NEGR1: variants seen among roughly 807,000 people sequenced by gnomAD.
The protein encoded by NEGR1 is neuronal growth regulator 1.
A neutral mutation model predicts 40.9 loss-of-function variants in NEGR1; 10 were observed. That is an observed-to-expected ratio of 0.24 (90% CI 0.15 to 0.42). The LOEUF is 0.42. Ranked by LOEUF, NEGR1 falls within the 10% of genes least tolerant of loss-of-function variation. The pLI is 1.00. For synonymous variants in NEGR1, 185 were observed against 166.8 expected (o/e 1.11, Z -0.84); for missense variants, 352 against 438.9 (o/e 0.80, Z 1.77).
intron 2 of NEGR1, among the ~76,000 whole-genome samples, chr1:71,833,161 A>C (rs1039697769): frequency 6.6e-6 from 1 of 152,072 alleles, no homozygotes; most frequent in Non-Finnish European, 1.5e-5. Context: ...CATAAAATAA[A>C]ATTGCTACTT....
intron 2 of NEGR1, among the ~76,000 whole-genome samples, chr1:71,929,956 C>T (rs1047939363): frequency 1.2e-4 from 19 of 152,048 alleles, no homozygotes; most frequent in African/African-American, 4.6e-4. Context: ...AGAGTAATTG[C>T]TCTCCAGATA....
intron 2 of NEGR1, among the ~76,000 whole-genome samples, chr1:71,793,986 G>A (rs1657224832): frequency 6.6e-6 from 1 of 152,050 alleles, no homozygotes; most frequent in Non-Finnish European, 1.5e-5. Context: ...CTGAAACAAG[G>A]TAAGGAAGCC....
intron 3 of NEGR1, among the ~76,000 whole-genome samples, chr1:71,725,524 G>T (rs1165411304): frequency 6.6e-6 from 1 of 152,048 alleles, no homozygotes; most frequent in Non-Finnish European, 1.5e-5. Context: ...TGCATCACAA[G>T]TAAGAAGCGT....
At chr1:72,029,012 G>A (rs930209488) in intron 1 of NEGR1, among the ~76,000 whole-genome samples, 4 of 152,066 alleles carry the variant, frequency 2.6e-5, no homozygotes, top group African/African-American at 7.2e-5. Context: ...TATCTAAAAC[G>A]CTAAAGGAAA....
chr1:71,958,141 C>A (rs1570552863), intron 1 of NEGR1, among the ~76,000 whole-genome samples: 2 of 152,186 alleles, frequency 1.3e-5, no homozygotes, highest in African/African-American at 2.4e-5. Context: ...TTTCTATTTT[C>A]CCACATCCAC....
At chr1:71,877,420 C>T (rs1388009126) in intron 2 of NEGR1, among the ~76,000 whole-genome samples, 1 of 152,110 alleles carries the variant, frequency 6.6e-6, no homozygotes, top group Non-Finnish European at 1.5e-5. Context: ...CTTCTGAGGG[C>T]TCCCTCCTTG....
chr1:71,935,608 G>T (rs576066140), intron 1 of NEGR1, among the ~76,000 whole-genome samples: 44 of 151,702 alleles, frequency 2.9e-4, no homozygotes, highest in Non-Finnish European at 5.9e-4. Flanking sequence ...ATTCTGTCTG[G>T]ATGACACATC....
intron 3 of NEGR1, among the ~76,000 whole-genome samples, chr1:71,773,165 G>A (rs11209841): frequency 0.75 from 112,993 of 151,444 alleles, 44,040 homozygotes; most frequent in East Asian, 0.86. Context: ...GAAGCTGTAT[G>A]GAGCTATCAT....
intron 1 of NEGR1, among the ~76,000 whole-genome samples, chr1:72,171,261 A>G (rs1651953762): frequency 6.6e-6 from 1 of 152,186 alleles, no homozygotes; most frequent in Non-Finnish European, 1.5e-5. Context: ...AAATATTACT[A>G]GAGTTACATC....
At position 71,403,127 on chromosome 1, in the gene NEGR1, A is replaced by G. The variant is rs991894499; in HGVS notation, c.*4319T>C. On this transcript the variant is annotated 3_prime_UTR_variant, in exon 7 of 7. Transcript: ENST00000357731. ...ATTGTTCTCATTTATTCAGTTGACT[A>G]TCATAGATGAACAGATATGGGAAAG... The G allele has an allele frequency of 2.0e-5, 3 of 152,116 alleles. No homozygotes were observed. The highest frequency in any genetic ancestry group is 2.9e-5 in the Non-Finnish European group (2 of 67,962). 9.4% of individuals were successfully genotyped at this position (152,116 alleles called of 1,614,324 possible).
At position 71,615,014 on chromosome 1, in the gene NEGR1, A is replaced by ATC. The variant is rs555925988; in HGVS notation, c.668-3869_668-3868insGA. 9.9e-5 allele frequency among the ~76,000 whole-genome samples: 15 copies of ATC among 152,078 alleles called. No homozygotes were observed. The South Asian group carries it at 3.1e-3, about 32-fold the overall frequency. ...ATGCATAAGAAAAAGTCCTAAGAGC[A>ATC]TTTTGCAAGGTATAGAGTTAAAGGT... On this transcript the variant is annotated intron_variant, in intron 4 of 6. Transcript: ENST00000357731.
intron 2 of NEGR1, among the ~76,000 whole-genome samples, chr1:71,817,224 C>T (rs1437294656): frequency 2.0e-5 from 3 of 152,026 alleles, no homozygotes; most frequent in Non-Finnish European, 4.4e-5. Flanking sequence ...ATGTGGTGAG[C>T]AGACTGCCTC....
At chr1:72,092,589 A>G (rs1361732139) in intron 1 of NEGR1, among the ~76,000 whole-genome samples, 30 of 152,194 alleles carry the variant, frequency 2.0e-4, no homozygotes, top group Admixed American at 2.0e-3. Context: ...TCAATCCACA[A>G]TGAATACATT....
At chr1:71,586,542 T>C (rs947973219) in intron 6 of NEGR1, among the ~76,000 whole-genome samples, 7 of 152,164 alleles carry the variant, frequency 4.6e-5, no homozygotes, top group Non-Finnish European at 8.8e-5. Context: ...TTTCTGTCAA[T>C]TGACAAACGT....
chr1:72,059,357 T>C (rs140918428), intron 1 of NEGR1, among the ~76,000 whole-genome samples: 171 of 151,670 alleles, frequency 1.1e-3, no homozygotes, highest in African/African-American at 4.0e-3. Context: ...TTAAAAAATA[T>C]CTTCTGTAGA....
chr1:71,625,540 C>T (rs982200867), intron 4 of NEGR1, among the ~76,000 whole-genome samples: 8 of 151,548 alleles, frequency 5.3e-5, no homozygotes, highest in Admixed American at 4.0e-4. Context: ...AATACTATGC[C>T]ATTTTATATA....
At position 72,164,301 on chromosome 1, in the gene NEGR1, T is replaced by A. The variant is rs572200514; in HGVS notation, c.176+118018A>T. The stretch of plus-strand genomic sequence containing the variant: ...ATTGACTTGAAAACTGTTTTTTTTT[T>A]AAATTTTTATTTATTTATTTATTTT... On this transcript the variant is annotated intron_variant, in intron 1 of 6. Transcript: ENST00000357731. Among the ~76,000 whole-genome samples the A allele has an allele frequency of 8.2e-4, 124 of 151,432 alleles. 1 individual carries two copies. The highest frequency in any genetic ancestry group is 3.4e-3 in the Middle Eastern group (1 of 294).
intron 6 of NEGR1, among the ~76,000 whole-genome samples, chr1:71,556,670 C>T (rs940424796): frequency 1.0e-4 from 15 of 150,596 alleles, no homozygotes; most frequent in Admixed American, 8.6e-4. Context: ...CACACAAGTC[C>T]ATGGAGACAC....
At chr1:72,051,132 T>C (rs1360476867) in intron 1 of NEGR1, among the ~76,000 whole-genome samples, 1 of 151,538 alleles carries the variant, frequency 6.6e-6, no homozygotes, top group Non-Finnish European at 1.5e-5. Context: ...CTTCTCTAAA[T>C]GGCTGATGTT....
Sources: allele counts gnomAD v4.1 joint callset (sites outside exome capture counted in the v4.1 genomes callset), GRCh38; gene constraint gnomAD v4.1.1; transcripts MANE v1.5; gene names NCBI Gene and HGNC (gene_info 2026-07-23, HGNC 2026-07-21).